The following BANK1 variants were observed in gnomAD, a reference collection of about 807,000 sequenced individuals.
BANK1 encodes the protein B-cell scaffold protein with ankyrin repeats.
BANK1 carries 95 observed loss-of-function variants against 94.5 expected under a neutral mutation model. That is an observed-to-expected ratio of 1.00 (90% CI 0.85 to 1.19). The LOEUF is 1.19. BANK1 is among the 50% of genes most tolerant of loss of function. The probability of loss-of-function intolerance (pLI) is 0.00; values close to 1 mark genes in which losing one functional copy is unlikely to be tolerated. For missense variants in BANK1, 987 were observed against 932.2 expected, an observed-to-expected ratio of 1.06 and a Z score of -0.77; for synonymous variants, 334 against 308.4, an observed-to-expected ratio of 1.08 and a Z score of -0.87.
At chr4:101,811,145 A>G (rs977191872) in intron 1 of BANK1, among the ~76,000 whole-genome samples, 14 of 152,182 alleles carry the variant, frequency 9.2e-5, no homozygotes, top group Non-Finnish European at 1.3e-4. Context: ...TCTTTGTGCT[A>G]GCTGCTGTGT....
chr4:101,849,513 A>G (rs972038684), intron 2 of BANK1, among the ~76,000 whole-genome samples: 2 of 152,106 alleles, frequency 1.3e-5, no homozygotes, highest in Admixed American at 1.3e-4. Context: ...ACGCACACAC[A>G]CACATATACA....
intron 7 of BANK1, among the ~76,000 whole-genome samples, chr4:101,938,385 G>T (rs1723642614): frequency 6.6e-6 from 1 of 151,484 alleles, no homozygotes; most frequent in Non-Finnish European, 1.5e-5. Flanking sequence ...CTAGTATTTT[G>T]TAGCACAACA....
Position 102,043,918 on chromosome 4 carries a change from T to A in BANK1, c.1969+11T>A. Reference sequence around the variant, plus strand: ...TTCCTAAGAAACAAGGTACTAACACTAACTTCAATCTATTTAGTAATCTCT... The same window carrying A: ...TTCCTAAGAAACAAGGTACTAACACAAACTTCAATCTATTTAGTAATCTCT... On this transcript the variant is annotated intron_variant, in intron 11 of 16. Transcript: ENST00000322953. The A allele has an allele frequency of 1.3e-6, 2 of 1,512,750 alleles. No individual in the cohort carries two copies. Among genetic ancestry groups the A allele is most frequent in the Non-Finnish European group, 1.8e-6 (2 of 1,092,830 alleles). The allele number at this position is 1,512,750 out of a possible 1,614,324, so 93.7% of individuals were successfully genotyped here. A position where few individuals can be genotyped will look rare whatever the true frequency, so the allele number is the denominator to read the frequency against.
At chr4:101,915,227 A>T (rs1178667030) in intron 6 of BANK1, among the ~76,000 whole-genome samples, 4 of 152,152 alleles carry the variant, frequency 2.6e-5, no homozygotes, top group Non-Finnish European at 5.9e-5. Context: ...GAAAAATAAG[A>T]TGCATAAGTT....
chr4:102,025,334 A>G lies in BANK1; in HGVS notation c.1419A>G (p.Leu473=). Residue 473 remains leucine (L), a synonymous_variant, in exon 9 of 17, where the codon CTA becomes CTG. Transcript: ENST00000322953. ...GCATGGAGACCAAACACAGCCCACT[A>G]GAGGTTGGCAGTGAGAGTTCTGAAG... ...GSGMETKHSP[L]EVGSESSEDQ... 6.2e-7 allele frequency: 1 copy of G among 1,614,152 alleles called. No homozygotes were observed. The highest frequency in any genetic ancestry group is 8.5e-7 in the Non-Finnish European group (1 of 1,180,018).
intron 7 of BANK1, among the ~76,000 whole-genome samples, chr4:101,933,421 A>G (rs1248866473): frequency 6.6e-6 from 1 of 151,402 alleles, no homozygotes; most frequent in Non-Finnish European, 1.5e-5. Context: ...GGAGTTTTAC[A>G]TGGCTATGCC....
intron 1 of BANK1, among the ~76,000 whole-genome samples, chr4:101,792,434 C>T (rs1725020992): frequency 7.0e-6 from 1 of 142,004 alleles, no homozygotes; most frequent in African/African-American, 2.7e-5. Context: ...TTTATAAATC[C>T]AGTGGTTTGT....
intron 7 of BANK1, among the ~76,000 whole-genome samples, chr4:101,964,156 G>A (rs532454136): frequency 8.6e-5 from 13 of 152,028 alleles, no homozygotes; most frequent in African/African-American, 3.1e-4. Flanking sequence ...AATATATCAA[G>A]TCTGGAGCCT....
chr4:102,044,976 G>A (rs1239022569), intron 11 of BANK1, among the ~76,000 whole-genome samples: 1 of 146,540 alleles, frequency 6.8e-6, no homozygotes, highest in Non-Finnish European at 1.5e-5. Context: ...CTCCCATTTT[G>A]TAGGTTGCCT....
At chr4:101,994,751 T>C (rs1433316439) in intron 7 of BANK1, among the ~76,000 whole-genome samples, 1 of 152,160 alleles carries the variant, frequency 6.6e-6, no homozygotes, top group Non-Finnish European at 1.5e-5. Flanking sequence ...GTAGTACATT[T>C]CTTGTGATAT....
chr4:102,066,438 T>C (rs1219849216), intron 13 of BANK1, among the ~76,000 whole-genome samples: 1 of 152,090 alleles, frequency 6.6e-6, no homozygotes, highest in East Asian at 1.9e-4. Context: ...TTCTATTTTT[T>C]AGTAGAGACG....
Position 101,833,824 on chromosome 4 carries a change from T to C in BANK1, c.469+3618T>C, listed in dbSNP as rs529859881. Among the ~76,000 whole-genome samples, 13 of 152,338 alleles carry C rather than the reference T, an allele frequency of 8.5e-5. No homozygotes were observed. In the South Asian group the frequency reaches 2.7e-3, roughly 32 times the overall value. The stretch of plus-strand genomic sequence containing the variant: ...AAGGGGAAATATTCACAGTACACCA[T>C]AATGTTCAAACTGGAAGTTTTCAAG... On this transcript the variant is annotated intron_variant, in intron 2 of 16. Coordinates refer to ENST00000322953, the MANE Select transcript of BANK1 (RefSeq NM_017935.5).
chr4:101,805,596 T>C (rs1337302709), intron 1 of BANK1, among the ~76,000 whole-genome samples: 1 of 149,630 alleles, frequency 6.7e-6, no homozygotes, highest in Non-Finnish European at 1.5e-5. Context: ...ATTATTTGTA[T>C]AATAATACAT....
chr4:101,944,922 C>T (rs1723879820), intron 7 of BANK1, among the ~76,000 whole-genome samples: 1 of 151,940 alleles, frequency 6.6e-6, no homozygotes, highest in Non-Finnish European at 1.5e-5. Context: ...CATGACCAAA[C>T]AGAAGCAAGT....
intron 1 of BANK1, among the ~76,000 whole-genome samples, chr4:101,823,579 A>G (rs1287307617): frequency 6.6e-6 from 1 of 152,206 alleles, no homozygotes; most frequent in Non-Finnish European, 1.5e-5. Flanking sequence ...GAATGGGCCA[A>G]CTAGACATAA....
chr4:101,956,294 A>G (rs951034287), intron 7 of BANK1, among the ~76,000 whole-genome samples: 1 of 152,136 alleles, frequency 6.6e-6, no homozygotes, highest in African/African-American at 2.4e-5. Context: ...TCAAGGCTCT[A>G]TCCTGTATTT....
chr4:101,828,541 C>T (rs1466571510), intron 1 of BANK1, among the ~76,000 whole-genome samples: 3 of 151,958 alleles, frequency 2.0e-5, no homozygotes, highest in Non-Finnish European at 2.9e-5. Context: ...AAGTTTTCTG[C>T]TTTGGAACTT....
chr4:101,950,958 G>A (rs748506116), intron 7 of BANK1, among the ~76,000 whole-genome samples: 3 of 152,078 alleles, frequency 2.0e-5, no homozygotes, highest in Non-Finnish European at 4.4e-5. Flanking sequence ...CACTGTGAAA[G>A]TCATCAAAGA....
intron 7 of BANK1, among the ~76,000 whole-genome samples, chr4:102,010,421 T>C (rs1726469949): frequency 6.6e-6 from 1 of 150,648 alleles, no homozygotes; most frequent in South Asian, 2.1e-4. Context: ...GGACGGAGTT[T>C]CACTTTTGTC....
Sources: allele counts gnomAD v4.1 joint callset (sites outside exome capture counted in the v4.1 genomes callset), GRCh38; gene constraint gnomAD v4.1.1; transcripts MANE v1.5; gene names NCBI Gene and HGNC (gene_info 2026-07-23, HGNC 2026-07-21).